CDH18: variants seen among roughly 807,000 people sequenced by gnomAD.
CDH18 encodes the protein cadherin-18.
CDH18 carries 31 observed loss-of-function variants against 67.9 expected under a neutral mutation model. The observed-to-expected ratio is 0.46, with a 90% CI of 0.34 to 0.62. The LOEUF (loss-of-function observed/expected upper bound fraction) is 0.62, where lower values mean the gene tolerates loss of function less well. Among genes scored for constraint, CDH18 ranks in the 20% least tolerant of loss-of-function variants. CDH18 has a pLI of 0.01. For missense variants in CDH18, 890 were observed against 975.5 expected, an observed-to-expected ratio of 0.91 and a Z score of 1.17; for synonymous variants, 362 against 347.2, an observed-to-expected ratio of 1.04 and a Z score of -0.48.
intron 2 of CDH18, among the ~76,000 whole-genome samples, chr5:20,039,782 C>T (rs1273813651): frequency 2.6e-5 from 4 of 152,114 alleles, no homozygotes; most frequent in African/African-American, 9.7e-5. Context: ...AGGACATAGG[C>T]ATGGGCAAAG....
intron 3 of CDH18, among the ~76,000 whole-genome samples, chr5:19,822,590 G>A (rs561379961): frequency 6.6e-5 from 10 of 152,114 alleles, no homozygotes; most frequent in Non-Finnish European, 8.8e-5. Context: ...CCCACAAGCC[G>A]CAAAACCAGC....
chr5:19,504,677 T>C (rs1453872695), intron 10 of CDH18, among the ~76,000 whole-genome samples: 1 of 152,102 alleles, frequency 6.6e-6, no homozygotes, highest in East Asian at 1.9e-4. Flanking sequence ...CTCCAACACA[T>C]ACAAATATAT....
chr5:20,106,146 T>C (rs1409376402), intron 2 of CDH18, among the ~76,000 whole-genome samples: 5 of 152,140 alleles, frequency 3.3e-5, no homozygotes, highest in African/African-American at 1.2e-4. Context: ...GTGTCAACAG[T>C]TCCCAACCCT....
intron 3 of CDH18, among the ~76,000 whole-genome samples, chr5:19,836,107 T>G (rs1282362351): frequency 2.6e-5 from 4 of 152,132 alleles, no homozygotes. Context: ...TTTCTGTTTC[T>G]TAGTTAGATT....
intron 1 of CDH18, among the ~76,000 whole-genome samples, chr5:20,561,080 GCCAAAATT>G (rs367964864): frequency 4.9e-4 from 75 of 152,134 alleles, no homozygotes; most frequent in African/African-American, 1.7e-3. Flanking sequence ...TGCTAGAATG[GCCAAAATT>G]CAGAACTTTG....
chr5:20,178,529 G>A (rs1444778293), intron 2 of CDH18, among the ~76,000 whole-genome samples: 1 of 149,860 alleles, frequency 6.7e-6, no homozygotes, highest in Non-Finnish European at 1.5e-5. Context: ...AATACCCAGA[G>A]CAGGTGTGAG....
intron 2 of CDH18, among the ~76,000 whole-genome samples, chr5:20,173,805 TAGA>T (rs1423287148): frequency 6.6e-6 from 1 of 152,198 alleles, no homozygotes; most frequent in African/African-American, 2.4e-5. Flanking sequence ...AATAGGGTTA[TAGA>T]TAGAATATTT....
At position 20,307,567 on chromosome 5, in the gene CDH18, A is replaced by C. The variant is rs183700397; in HGVS notation, c.-579-52062T>G. ...TAAAAAGAAGAAGCAGTGCCTTAGG[A>C]GATTAAAGTGGACTGCTTCCATTGT... is the stretch of plus-strand genomic sequence containing the variant. On this transcript the variant is annotated intron_variant, in intron 1 of 14. Transcript: ENST00000507958. 3.3e-4 allele frequency among the ~76,000 whole-genome samples: 50 copies of C among 152,324 alleles called. No homozygotes were observed. In the South Asian group the frequency reaches 9.3e-3, roughly 28 times the overall value.
At chr5:20,053,367 CTCTT>C (rs1348571457) in intron 2 of CDH18, among the ~76,000 whole-genome samples, 2 of 151,768 alleles carry the variant, frequency 1.3e-5, no homozygotes, top group Non-Finnish European at 2.9e-5. Context: ...AGGTTCCTCT[CTCTT>C]TTTTATTTCT....
intron 5 of CDH18, among the ~76,000 whole-genome samples, chr5:19,675,903 A>T (rs1266512650): frequency 6.6e-6 from 1 of 152,016 alleles, no homozygotes; most frequent in Non-Finnish European, 1.5e-5. Flanking sequence ...CGTCCATGAA[A>T]TCTTCACAAT....
At chr5:20,190,458 C>A (rs572102802) in intron 2 of CDH18, among the ~76,000 whole-genome samples, 15 of 152,158 alleles carry the variant, frequency 9.9e-5, no homozygotes, top group Admixed American at 9.8e-4. Flanking sequence ...AGTGCAACAG[C>A]CTCAGAAACA....
intron 5 of CDH18, among the ~76,000 whole-genome samples, chr5:19,691,816 A>G (rs1186621991): frequency 6.6e-6 from 1 of 151,932 alleles, no homozygotes; most frequent in Non-Finnish European, 1.5e-5. Context: ...ATCAATCTTG[A>G]TTGAATGCAA....
rs560306714 is a variant in CDH18, at chr5:20,355,892, G to C, written c.-579-100387C>G. On this transcript the variant is annotated intron_variant, in intron 1 of 14. Transcript: ENST00000507958. The stretch of plus-strand genomic sequence containing the variant: ...CACATATTATTGTCAATTATTCACA[G>C]ACCAAATTAACTTAGGTAATGTTAC... 2.0e-5 allele frequency among the ~76,000 whole-genome samples: 3 copies of C among 152,234 alleles called. No individual in the cohort carries two copies. The South Asian group carries it at 6.2e-4, about 32-fold the overall frequency.
chr5:19,583,071 T>C (rs538150251), intron 7 of CDH18, among the ~76,000 whole-genome samples: 2 of 152,014 alleles, frequency 1.3e-5, no homozygotes, highest in Non-Finnish European at 2.9e-5. Flanking sequence ...TTGATAATAT[T>C]TTACCCATGG....
At chr5:19,571,463 T>C (rs924579248) in intron 8 of CDH18, 116 bp downstream of exon 8, 16 of 924,092 alleles carry the variant, frequency 1.7e-5, no homozygotes, top group South Asian at 4.2e-5. Flanking sequence ...AATTTAATTA[T>C]ATTCGTAGAA....
At chr5:19,999,310 G>A (rs189812481) in intron 2 of CDH18, among the ~76,000 whole-genome samples, 49 of 152,062 alleles carry the variant, frequency 3.2e-4, no homozygotes, top group African/African-American at 1.0e-3. Flanking sequence ...ACATAAAACT[G>A]TGGACGCAAC....
intron 2 of CDH18, among the ~76,000 whole-genome samples, chr5:20,108,137 G>A (rs980063732): frequency 1.4e-4 from 22 of 152,092 alleles, no homozygotes; most frequent in African/African-American, 5.3e-4. Flanking sequence ...CTGGAGTGCA[G>A]TGATGCAATC....
chr5:20,130,733 A>AT lies in CDH18; in HGVS notation c.-518+124710dup, dbSNP rs1231693400. Among the ~76,000 whole-genome samples, 14 of 152,090 alleles carry AT rather than the reference A, an allele frequency of 9.2e-5. No homozygotes were observed. The East Asian group carries it at 2.7e-3, about 29-fold the overall frequency. On this transcript the variant is annotated intron_variant, in intron 2 of 14. Coordinates refer to the CDH18 transcript ENST00000507958. The stretch of plus-strand genomic sequence containing the variant: ...AAATCTGTAGCGAACAGACTCAGTT[A>AT]TTTTTTACCTCAATTTCTTCCTTTT...
At chr5:19,687,118 TC>T (rs1414565847) in intron 5 of CDH18, among the ~76,000 whole-genome samples, 1 of 152,040 alleles carries the variant, frequency 6.6e-6, no homozygotes, top group Admixed American at 6.6e-5. Context: ...CTGGAAAGGC[TC>T]CCCACTGTGT....
Sources: gnomAD v4.1 joint callset for allele counts (sites outside exome capture counted in the v4.1 genomes callset) on GRCh38, gnomAD v4.1.1 for gene constraint, MANE v1.5 for transcripts, NCBI Gene and HGNC (gene_info 2026-07-23, HGNC 2026-07-21) for gene names.